The following GSPT1 variants were observed in gnomAD, a reference collection of about 807,000 sequenced individuals.
GSPT1 encodes the protein G1 to S phase transition 1.
A neutral mutation model predicts 72.5 loss-of-function variants in GSPT1; 20 were observed. The ratio of observed to expected loss-of-function variants is 0.28; its 90% CI spans 0.19 to 0.40. The LOEUF (loss-of-function observed/expected upper bound fraction) is 0.40. GSPT1 is among the 10% of genes least tolerant of loss of function. GSPT1 has a pLI of 1.00. For synonymous variants in GSPT1, 334 were observed against 293.5 expected (o/e 1.14, Z -1.41); for missense variants, 580 against 811.9 (o/e 0.71, Z 3.47).
chr16:11,892,518 A>T (rs1466120210), intron 5 of GSPT1, among the ~76,000 whole-genome samples: 2 of 137,956 alleles, frequency 1.4e-5, no homozygotes, highest in African/African-American at 5.7e-5. Context: ...AAAAAACAAA[A>T]AAAACAAAAA....
upstream of GSPT1, chr16:11,915,963 CCTCCCA>C (rs745924036): frequency 5.5e-6 from 4 of 728,838 alleles, no homozygotes; most frequent in South Asian, 5.4e-5. Flanking sequence ...GAGCGGATCT[CCTCCCA>C]CCCAACCACC....
chr16:11,887,594 G>A lies in GSPT1; in HGVS notation c.933C>T (p.Ala311=). The change falls in exon 7 of 15, where the codon GCC becomes GCT. Residue 311 remains alanine, a synonymous_variant. Transcript: ENST00000434724. ...KSFVPNMIGG[A]SQADLAVLVI... is the part of the protein sequence containing the mutation. ...CCAGCACAGCCAAATCAGCTTGAGA[G>A]GCACCACCAATCATATTTGGGACAA... 6.2e-7 allele frequency: 1 copy of A among 1,613,922 alleles called. No individual in the cohort carries two copies. The highest frequency in any genetic ancestry group is 8.5e-7 in the Non-Finnish European group (1 of 1,179,880).
At chr16:11,876,056 A>C (rs1435576858) in intron 13 of GSPT1, 30 bp downstream of exon 13, 3 of 1,507,576 alleles carry the variant, frequency 2.0e-6, no homozygotes, top group Non-Finnish European at 2.8e-6. Context: ...CAGTATTAAA[A>C]CAGAAATAAA....
intron 14 of GSPT1, 45 bp from the exon 15 acceptor site, chr16:11,873,216 G>T: frequency 1.1e-6 from 1 of 911,818 alleles, no homozygotes; most frequent in South Asian, 1.3e-5. Context: ...TTAACAGCAA[G>T]TCTATATAAG....
intron 1 of GSPT1, among the ~76,000 whole-genome samples, chr16:11,902,903 G>T (rs984514650): frequency 1.3e-5 from 2 of 151,820 alleles, no homozygotes; most frequent in African/African-American, 4.8e-5. Flanking sequence ...TTTTTATAGA[G>T]ATGGTGTTTC....
chr16:11,911,374 C>A (rs980575938), intron 1 of GSPT1, among the ~76,000 whole-genome samples: 2 of 152,094 alleles, frequency 1.3e-5, no homozygotes, highest in East Asian at 3.8e-4. Context: ...TTAAAAGCCA[C>A]TGAACTGTAT....
At chr16:11,875,992 G>C in intron 13 of GSPT1, 63 bp from the exon 14 acceptor site, 1 of 1,516,098 alleles carries the variant, frequency 6.6e-7, no homozygotes, top group Non-Finnish European at 9.1e-7. Context: ...TTTAAGAACA[G>C]GTGTAGAAAT....
chr16:11,876,500 C>T (rs1470009967), intron 12 of GSPT1, among the ~76,000 whole-genome samples: 8 of 152,004 alleles, frequency 5.3e-5, no homozygotes, highest in South Asian at 2.1e-4. Flanking sequence ...GAGGCCGAGG[C>T]GGCAGGGGGG....
intron 6 of GSPT1, among the ~76,000 whole-genome samples, chr16:11,888,342 G>T (rs1001136943): frequency 2.0e-5 from 3 of 150,996 alleles, no homozygotes; most frequent in Non-Finnish European, 4.4e-5. Context: ...CACACCTGTA[G>T]TCACAGCTAT....
At chr16:11,910,820 G>A (rs2054548287) in intron 1 of GSPT1, among the ~76,000 whole-genome samples, 1 of 152,196 alleles carries the variant, frequency 6.6e-6, no homozygotes, top group Non-Finnish European at 1.5e-5. Context: ...CGTAATACCT[G>A]CTCCAAAGAG....
At position 11,868,541 on chromosome 16, in the gene GSPT1, AG is replaced by A. The variant is rs2053944367; in HGVS notation, c.*4577del. 6.6e-6 allele frequency: 1 copy of A among 152,176 alleles called. No individual in the cohort carries two copies. Among genetic ancestry groups the A allele is most frequent in the Non-Finnish European group, 1.5e-5 (1 of 68,038 alleles). 9.4% of individuals were successfully genotyped at this position (152,176 alleles called of 1,614,324 possible). On this transcript the variant is annotated 3_prime_UTR_variant, in exon 15 of 15. Transcript: ENST00000434724. The stretch of plus-strand genomic sequence containing the variant: ...AAAATGTAGACCTTGCAGGAGGCTT[AG>A]ACCTCAGTTTCACCTAATGCATGTG...
chr16:11,877,397 A>G lies in GSPT1; in HGVS notation c.1602+10T>C. On this transcript the variant is annotated intron_variant, in intron 12 of 14. Transcript: ENST00000434724. The surrounding 1 kb of genome is among the most constrained non-coding windows in gnomAD (Gnocchi z 4.0). ...AAAACCCACTATGACAACAACAATA[A>G]TTTGTTTACCTGGGCATCAAATGTG... is the stretch of plus-strand genomic sequence containing the variant. 6.4e-7 allele frequency: 1 copy of G among 1,557,506 alleles called. No homozygotes were observed. Among genetic ancestry groups the G allele is most frequent in the Non-Finnish European group, 8.7e-7 (1 of 1,149,646 alleles).
intron 5 of GSPT1, among the ~76,000 whole-genome samples, chr16:11,892,513 A>AAAAAAAAT (rs2054275332): frequency 7.0e-5 from 9 of 127,750 alleles, no homozygotes; most frequent in African/African-American, 1.9e-4. Context: ...TCTCAAAAAA[A>AAAAAAAAT]CAAAAAAAAC....
rs571751673 is a variant in GSPT1 at position 11,870,139 on chromosome 16, T to G, written c.*2980A>C. Reference sequence around the variant, plus strand: ...CTCACAAAAAAAAAATACATGGGCTTAATTACTCAGTAACACTTTACTATT... The same window carrying G: ...CTCACAAAAAAAAAATACATGGGCTGAATTACTCAGTAACACTTTACTATT... On this transcript the variant is annotated 3_prime_UTR_variant, in exon 15 of 15. Coordinates refer to ENST00000434724, the MANE Select transcript of GSPT1 (RefSeq NM_002094.4). 1 of 152,126 alleles carries G rather than the reference T, an allele frequency of 6.6e-6. No individual in the cohort carries two copies. Among genetic ancestry groups the G allele is most frequent in the Non-Finnish European group, 1.5e-5 (1 of 68,030 alleles). The allele number at this position is 152,126 out of a possible 1,614,324, so 9.4% of individuals were successfully genotyped here.
At chr16:11,881,505 G>C (rs1398071059) in intron 11 of GSPT1, 4 of 151,998 alleles carry the variant, frequency 2.6e-5, no homozygotes, top group Non-Finnish European at 5.9e-5. Context: ...GTGCCATCTA[G>C]TGTATTCACC....
At chr16:11,910,520 G>A (rs185850125) in intron 1 of GSPT1, among the ~76,000 whole-genome samples, 8 of 152,116 alleles carry the variant, frequency 5.3e-5, no homozygotes, top group Non-Finnish European at 1.2e-4. Flanking sequence ...CCAGAAATTC[G>A]CATTTCTGGA....
Position 11,873,102 on chromosome 16 carries a change from G to T in GSPT1, c.*17C>A. On this transcript the variant is annotated 3_prime_UTR_variant, in exon 15 of 15. Transcript: ENST00000434724. ...CAATTTTCCTCACAGTATTGTGCAG[G>T]GTCATCAAGAAAATGCTTAGTCTTT... is the stretch of plus-strand genomic sequence containing the variant. 1 of 1,509,918 alleles carries T rather than the reference G, an allele frequency of 6.6e-7. No homozygotes were observed. Among genetic ancestry groups the T allele is most frequent in the Non-Finnish European group, 9.2e-7 (1 of 1,085,650 alleles). The allele number at this position is 1,509,918 out of a possible 1,614,324, so 93.5% of individuals were successfully genotyped here.
At chr16:11,905,656 G>A (rs1308003525) in intron 1 of GSPT1, among the ~76,000 whole-genome samples, 1 of 152,108 alleles carries the variant, frequency 6.6e-6, no homozygotes, top group Non-Finnish European at 1.5e-5. Context: ...CCAACGTGGT[G>A]AAACCCCGTC....
rs2053964898 is a variant in GSPT1, at chr16:11,870,347, A to G, written c.*2772T>C. ...AGATGTTTATTTCAATATTTCTTAA[A>G]TTCACTTTATTAATTTAAAAAACTA... is the stretch of plus-strand genomic sequence containing the variant. On this transcript the variant is annotated 3_prime_UTR_variant, in exon 15 of 15. Coordinates refer to ENST00000434724, the MANE Select transcript of GSPT1 (RefSeq NM_002094.4). 1 of 152,246 alleles carries G rather than the reference A, an allele frequency of 6.6e-6. No homozygotes were observed. The highest frequency in any genetic ancestry group is 2.4e-5 in the African/African-American group (1 of 41,464). The allele number at this position is 152,246 out of a possible 1,614,324, so 9.4% of individuals were successfully genotyped here.
Sources: gnomAD v4.1 joint callset for allele counts (sites outside exome capture counted in the v4.1 genomes callset) on GRCh38, gnomAD v4.1.1 for gene constraint, Gnocchi (gnomAD v3.1) non-coding constraint, MANE v1.5 for transcripts, NCBI Gene and HGNC (gene_info 2026-07-23, HGNC 2026-07-21) for gene names.